Variants in TMEM202 observed in about 807,000 individuals in gnomAD.
The protein encoded by TMEM202 is transmembrane protein 202.
TMEM202 carries 25 observed loss-of-function variants against 26.1 expected under a neutral mutation model. That is an observed-to-expected ratio of 0.96 (90% CI 0.70 to 1.34). The LOEUF (loss-of-function observed/expected upper bound fraction) is 1.34. Among genes scored for constraint, TMEM202 ranks in the 40% most tolerant of loss-of-function variants. TMEM202 has a pLI of 0.00. For synonymous variants in TMEM202, 122 were observed against 119.0 expected (o/e 1.02, Z -0.16); for missense variants, 301 against 327.7 (o/e 0.92, Z 0.63).
rs776045171 is a variant in TMEM202, at chr15:72,407,067, T to C, written c.488-19T>C. On this transcript the variant is annotated intron_variant, in intron 3 of 4. Coordinates refer to ENST00000341689, the MANE Select transcript of TMEM202 (RefSeq NM_001080462.3). Reference sequence around the variant, plus strand: ...CTGAAGATGCTGATGGGTTGTGACATCTTTCCTTCTGGTCCTAGCTACCTG... The same window carrying C: ...CTGAAGATGCTGATGGGTTGTGACACCTTTCCTTCTGGTCCTAGCTACCTG... 15 of 1,610,808 alleles carry C rather than the reference T, an allele frequency of 9.3e-6. No individual in the cohort carries two copies. Among genetic ancestry groups the C allele is most frequent in the Admixed American group, 3.3e-5 (2 of 59,948 alleles).
chr15:72,404,295 G>T (rs531614305), intron 2 of TMEM202, among the ~76,000 whole-genome samples: 56 of 152,144 alleles, frequency 3.7e-4, no homozygotes, highest in Admixed American at 9.8e-4. Flanking sequence ...TGCACCTGTG[G>T]TCCCAGCTAC....
intron 4 of TMEM202, 58 bp downstream of exon 4, chr15:72,407,275 G>T: frequency 6.3e-7 from 1 of 1,587,974 alleles, no homozygotes. Context: ...CTTCTGGAAA[G>T]GGAGGTATAA....
intron 3 of TMEM202, 62 bp from the exon 4 acceptor site, chr15:72,407,024 G>A (rs949343744): frequency 3.8e-6 from 6 of 1,594,986 alleles, no homozygotes; most frequent in African/African-American, 1.3e-5. Context: ...AAGAGCTGGG[G>A]GTGGCGGGGA....
intron 3 of TMEM202, 60 bp from the exon 4 acceptor site, chr15:72,407,026 T>C (rs2063575301): frequency 6.3e-7 from 1 of 1,595,130 alleles, no homozygotes; most frequent in Non-Finnish European, 8.5e-7. Context: ...GAGCTGGGGG[T>C]GGCGGGGAAG....
intron 2 of TMEM202, among the ~76,000 whole-genome samples, chr15:72,401,534 C>A: frequency 6.6e-6 from 1 of 152,004 alleles, no homozygotes; most frequent in African/African-American, 2.4e-5. Context: ...CACAGTGAGA[C>A]CCTGTCTCAA....
At chr15:72,403,147 G>A (rs910502406) in intron 2 of TMEM202, among the ~76,000 whole-genome samples, 2 of 152,078 alleles carry the variant, frequency 1.3e-5, no homozygotes, top group African/African-American at 4.8e-5. Flanking sequence ...AATGGTGAAC[G>A]TTCTCATTTC....
intron 2 of TMEM202, among the ~76,000 whole-genome samples, chr15:72,406,362 C>T (rs1361442051): frequency 6.6e-6 from 1 of 152,106 alleles, no homozygotes; most frequent in South Asian, 2.1e-4. Context: ...TCTGTTTTGT[C>T]ATTGGTGACA....
chr15:72,407,190 T>C lies in TMEM202; in HGVS notation c.592T>C (p.Cys198Arg), dbSNP rs2063576427. The C allele has an allele frequency of 6.2e-7, 1 of 1,613,582 alleles. No individual in the cohort carries two copies. The highest frequency in any genetic ancestry group is 1.3e-5 in the African/African-American group (1 of 74,902). ...DLLWTYYLNW[C>R]SDIFYMFAGI... ...CCTATGGACCTATTATCTTAACTGG[T>C]GCAGTGACATCTTTTACATGTTTGC... Residue 198 changes from cysteine to arginine, a missense_variant, in exon 4 of 5, where the codon TGC (cysteine) becomes CGC (arginine). Transcript: ENST00000341689.
intron 2 of TMEM202, among the ~76,000 whole-genome samples, chr15:72,401,375 C>G (rs1431773835): frequency 2.0e-5 from 3 of 152,074 alleles, no homozygotes; most frequent in African/African-American, 7.2e-5. Context: ...AAAACCCTGT[C>G]TCTACAAAAA....
intron 4 of TMEM202, among the ~76,000 whole-genome samples, 187 bp downstream of exon 4, chr15:72,407,404 G>T (rs530400320): frequency 1.3e-5 from 2 of 152,090 alleles, no homozygotes; most frequent in Non-Finnish European, 2.9e-5. Flanking sequence ...TTAGTAACCT[G>T]CTCTATCACA....
Position 72,407,339 on chromosome 15 carries a change from G to T in TMEM202, c.619+122G>T, listed in dbSNP as rs563480063. The T allele has an allele frequency of 9.4e-6, 11 of 1,171,546 alleles. No individual in the cohort carries two copies. In the East Asian group the frequency reaches 1.9e-4, roughly 20 times the overall value. The allele number at this position is 1,171,546 out of a possible 1,614,324, so 72.6% of individuals were successfully genotyped here. On this transcript the variant is annotated intron_variant, in intron 4 of 4. Coordinates refer to ENST00000341689, the MANE Select transcript of TMEM202 (RefSeq NM_001080462.3). Reference sequence around the variant, plus strand: ...CCTTTTCAGAACACTGATACTTGGAGAGTCAGGGGGGCATAATGAAGAAAG... The same window carrying T: ...CCTTTTCAGAACACTGATACTTGGATAGTCAGGGGGGCATAATGAAGAAAG...
chr15:72,400,335 T>C (rs1342953958), intron 2 of TMEM202, among the ~76,000 whole-genome samples: 1 of 152,222 alleles, frequency 6.6e-6, no homozygotes, highest in African/African-American at 2.4e-5. Flanking sequence ...AACCACCATA[T>C]TAACAGATTT....
rs921159771 is a variant in TMEM202, at chr15:72,406,597, T to C, written c.338-5T>C. On this transcript the variant is annotated splice_region_variant and splice_polypyrimidine_tract_variant and intron_variant, in intron 2 of 4. Transcript: ENST00000341689. The stretch of plus-strand genomic sequence containing the variant: ...CACGGTCTTCCTTTCCTCTTCTTCA[T>C]GCAGATTATCTCCAATATTCCAGGG... 1.2e-6 allele frequency: 2 copies of C among 1,613,510 alleles called. No individual in the cohort carries two copies. Among genetic ancestry groups the C allele is most frequent in the Middle Eastern group, 1.7e-4 (1 of 5,946 alleles).
chr15:72,400,681 G>C (rs918584690), intron 2 of TMEM202, among the ~76,000 whole-genome samples: 1 of 152,162 alleles, frequency 6.6e-6, no homozygotes, highest in Non-Finnish European at 1.5e-5. Flanking sequence ...AAGGGGTCCT[G>C]ATCCAGACCC....
intron 3 of TMEM202, 45 bp downstream of exon 3, chr15:72,406,796 C>A (rs756327096): frequency 2.5e-6 from 4 of 1,592,168 alleles, no homozygotes; most frequent in Non-Finnish European, 3.4e-6. Context: ...GTAAAATAGT[C>A]AAGGTAACAA....
In TMEM202 at chr15:72,408,174, C is replaced by T. The variant is rs1239700425; in HGVS notation, c.*281C>T. 3.1e-6 allele frequency: 1 copy of T among 327,178 alleles called. No individual in the cohort carries two copies. Among genetic ancestry groups the T allele is most frequent in the East Asian group, 6.1e-5 (1 of 16,514 alleles). 20.3% of individuals were successfully genotyped at this position (327,178 alleles called of 1,614,324 possible). A position where few individuals can be genotyped will look rare whatever the true frequency, so the allele number is the denominator to read the frequency against. On this transcript the variant is annotated 3_prime_UTR_variant, in exon 5 of 5. Transcript: ENST00000341689. Reference sequence around the variant, plus strand: ...AAGATGCAGTGTGTAGACCAGAGACCTCTTTGGGTATCAGGGATCTCATGG... The same window carrying T: ...AAGATGCAGTGTGTAGACCAGAGACTTCTTTGGGTATCAGGGATCTCATGG...
intron 2 of TMEM202, among the ~76,000 whole-genome samples, chr15:72,405,988 T>C (rs2063569100): frequency 6.6e-6 from 1 of 152,220 alleles, no homozygotes; most frequent in African/African-American, 2.4e-5. Context: ...TGACAAGGCC[T>C]GTACATGCCA....
chr15:72,408,156 A>T lies in TMEM202; in HGVS notation c.*263A>T. ...AATGAAAGAAACTAGTGAAAGATGC[A>T]GTGTGTAGACCAGAGACCTCTTTGG... On this transcript the variant is annotated 3_prime_UTR_variant, in exon 5 of 5. Transcript: ENST00000341689. The T allele has an allele frequency of 2.4e-6, 1 of 413,544 alleles. No individual in the cohort carries two copies. The highest frequency in any genetic ancestry group is 4.0e-5 in the Admixed American group (1 of 24,984). 25.6% of individuals were successfully genotyped at this position (413,544 alleles called of 1,614,324 possible). A position where few individuals can be genotyped will look rare whatever the true frequency, so the allele number is the denominator to read the frequency against.
At chr15:72,399,318 A>T (rs116394311) in intron 2 of TMEM202, among the ~76,000 whole-genome samples, 2,415 of 152,086 alleles carry the variant, frequency 0.016, 57 homozygotes, top group African/African-American at 0.055. Context: ...TAATTTTTTT[A>T]AATTTTTTTT....
Sources: gnomAD v4.1 joint callset for allele counts (sites outside exome capture counted in the v4.1 genomes callset) on GRCh38, gnomAD v4.1.1 for gene constraint, MANE v1.5 for transcripts, NCBI Gene and HGNC (gene_info 2026-07-23, HGNC 2026-07-21) for gene names.